The following DGKQ variants were observed in gnomAD, a reference collection of about 807,000 sequenced individuals.
DGKQ encodes diacylglycerol kinase theta.
In DGKQ, 97 loss-of-function variants were observed where a neutral mutation model predicts 104.2. That is an observed-to-expected ratio of 0.93 (90% CI 0.79 to 1.10). DGKQ has a LOEUF of 1.10. Ranked by LOEUF, DGKQ falls within the 50% of genes least tolerant of loss-of-function variation. The pLI is 0.00. For missense variants in DGKQ, 1,465 were observed against 1,352.1 expected (o/e 1.08, Z -1.31); for synonymous variants, 736 against 595.2 (o/e 1.24, Z -3.44).
rs745794991 is a variant in DGKQ, at chr4:968,893, G to A, written c.369C>T (p.Cys123=). The stretch of plus-strand genomic sequence containing the variant: ...GCTTGTGGAGCCCCCGGGGGCCGAA[G>A]CAGTGGGCTACAGGAACCTGGTGGG... ...PSLVRVPVAH[C]FGPRGLHKRK... The change falls in exon 3 of 23, where the codon TGC becomes TGT. Residue 123 remains cysteine, a synonymous_variant. Coordinates refer to ENST00000273814, the MANE Select transcript of DGKQ (RefSeq NM_001347.4). The A allele has an allele frequency of 6.3e-7, 1 of 1,597,390 alleles. No homozygotes were observed. The highest frequency in any genetic ancestry group is 1.1e-5 in the South Asian group (1 of 89,798).
rs537931333 is a variant in DGKQ at position 961,570 on chromosome 4, G to A, written c.2471C>T (p.Ser824Leu). Residue 824 changes from serine (S) to leucine (L), a missense_variant, in exon 21 of 23, where the codon TCG becomes TTG. Ser to Leu is a moderately radical substitution (Grantham distance 145). Coordinates refer to ENST00000273814, the MANE Select transcript of DGKQ (RefSeq NM_001347.4). The part of the protein sequence containing the change: ...LIFINIPSWG[S>L]GADLWGSDSD... ...GTCGGAGCCCCACAGGTCGGCCCCC[G>A]AGCCCCAGCTGCCGCATAAGAGAGC... The A allele has an allele frequency of 1.8e-5, 29 of 1,609,028 alleles. No homozygotes were observed. The South Asian group carries it at 2.4e-4, about 13-fold the overall frequency.
At chr4:964,504 C>T (rs1712142641) in intron 15 of DGKQ, among the ~76,000 whole-genome samples, 1 of 149,408 alleles carries the variant, frequency 6.7e-6, no homozygotes, top group Non-Finnish European at 1.5e-5. Flanking sequence ...CCCCCCGGCC[C>T]TGCCCTGTCT....
chr4:967,597 C>T lies in DGKQ; in HGVS notation c.939G>A (p.Gln313=), dbSNP rs902333438. 6.2e-7 allele frequency: 1 copy of T among 1,612,608 alleles called. No homozygotes were observed. Among genetic ancestry groups the T allele is most frequent in the African/African-American group, 1.3e-5 (1 of 74,924 alleles). ...FDGDDAVRRS[Q]FRLVTVSRLA... The stretch of plus-strand genomic sequence containing the variant: ...GGCGGGACACCGTGACGAGGCGGAA[C>T]TGGCTTCTTCTCACCGCGTCGTCGC... Residue 313 remains glutamine, a synonymous_variant, in exon 8 of 23, where the codon CAG becomes CAA. Transcript: ENST00000273814.
rs576448922 is a variant in DGKQ, at chr4:963,062, C to T, written c.1886+77G>A. On this transcript the variant is annotated intron_variant, in intron 16 of 22. Transcript: ENST00000273814. ...GGATCCCCGTGGAGCTCCTGCCGGC[C>T]GAGACAGCTGTGGCAGCCTCCTGGG... 58 of 1,504,386 alleles carry T rather than the reference C, an allele frequency of 3.9e-5. 1 individual carries two copies. In the African/African-American group the frequency reaches 5.8e-4, roughly 15 times the overall value. 93.2% of individuals were successfully genotyped at this position (1,504,386 alleles called of 1,614,324 possible).
intron 2 of DGKQ, 73 bp from the exon 3 acceptor site, chr4:968,983 C>A (rs1712709144): frequency 2.1e-6 from 2 of 975,414 alleles, no homozygotes; most frequent in Non-Finnish European, 3.0e-6. Flanking sequence ...TCGCTCTTCA[C>A]CTGCGCAACT....
intron 15 of DGKQ, 134 bp downstream of exon 15, chr4:965,042 C>A (rs1399678159): frequency 2.9e-6 from 2 of 682,918 alleles, no homozygotes; most frequent in East Asian, 5.5e-5. Context: ...ACCTACAAGC[C>A]CCCAGTGAAT....
intron 5 of DGKQ, 81 bp from the exon 6 acceptor site, chr4:968,108 C>A (rs1246828792): frequency 9.4e-7 from 1 of 1,064,716 alleles, no homozygotes; most frequent in Non-Finnish European, 1.3e-6. Context: ...GGAAAGACCC[C>A]ACACGACGCA....
intron 18 of DGKQ, 104 bp from the exon 19 acceptor site, chr4:962,186 C>T (rs572299283): frequency 6.0e-5 from 66 of 1,104,566 alleles, no homozygotes; most frequent in South Asian, 4.9e-4. Context: ...AAGGACCACC[C>T]TGGCACCAAG....
At position 962,001 on chromosome 4, in the gene DGKQ, G is replaced by C. The variant is rs1406966294; in HGVS notation, c.2296C>G (p.Pro766Ala). ...CGGTACCTGCTTGTGAACTTGCCAG[G>C]CTCCTCTTCCCGTGCCTGGTGGAAG... Reference protein sequence around the residue: ...LDFHQAREEEPGKFTSRLHNK... With the variant: ...LDFHQAREEEAGKFTSRLHNK... The change falls in exon 19 of 23, where the codon CCT (proline) becomes GCT (alanine). Residue 766 changes from proline to alanine, a missense_variant. Coordinates refer to ENST00000273814, the MANE Select transcript of DGKQ (RefSeq NM_001347.4). The C allele has an allele frequency of 6.2e-7, 1 of 1,613,134 alleles. No homozygotes were observed. Among genetic ancestry groups the C allele is most frequent in the South Asian group, 1.1e-5 (1 of 91,088 alleles).
In DGKQ at chr4:971,017, C is replaced by G; in HGVS notation, c.327G>C (p.Thr109=). The part of the protein sequence containing the change: ...KCLKHVRIPC[T]SVAPSLVRVP... ...CCCGGACCAGGCTGGGTGCCACACT[C>G]GTGCACGGGATCCTCACGTGCTTCA... The change falls in exon 2 of 23, where the codon ACG becomes ACC. Residue 109 remains threonine (T), a synonymous_variant. Coordinates refer to ENST00000273814, the MANE Select transcript of DGKQ (RefSeq NM_001347.4). The surrounding 1 kb of genome is among the most constrained non-coding windows in gnomAD (Gnocchi z 4.0). The G allele has an allele frequency of 6.4e-7, 1 of 1,554,024 alleles. No individual in the cohort carries two copies. Among genetic ancestry groups the G allele is most frequent in the Non-Finnish European group, 8.7e-7 (1 of 1,148,672 alleles).
chr4:968,841 C>G lies in DGKQ; in HGVS notation c.421G>C (p.Val141Leu). 6.2e-7 allele frequency: 1 copy of G among 1,611,140 alleles called. No individual in the cohort carries two copies. Residue 141 changes from valine to leucine, a missense_variant, in exon 3 of 23, where the codon GTC becomes CTC. By Grantham distance (32) the Val-to-Leu change is conservative. Coordinates refer to ENST00000273814, the MANE Select transcript of DGKQ (RefSeq NM_001347.4). ...KRKFCAVCRK[V>L]LEAPALHCEV... ...CAGTGGAGCGCCGGTGCCTCCAGGA[C>G]CTTGCGGCAGACAGCACAGAACTTG...
In DGKQ at chr4:973,529, C is replaced by G; in HGVS notation, c.-47G>C. The G allele has an allele frequency of 2.0e-6, 2 of 986,134 alleles. No homozygotes were observed. The highest frequency in any genetic ancestry group is 4.7e-5 in the South Asian group (1 of 21,254). The allele number at this position is 986,134 out of a possible 1,614,324, so 61.1% of individuals were successfully genotyped here. A position where few individuals can be genotyped will look rare whatever the true frequency, so the allele number is the denominator to read the frequency against. ...CCCCTTTAGGTCCGCGCCGGGGGTA[C>G]AGGAGCCGCCGCTCCACGGCCCGGT... On this transcript the variant is annotated 5_prime_UTR_variant, in exon 1 of 23. Transcript: ENST00000273814.
At chr4:972,802 G>A (rs1713038479) in intron 1 of DGKQ, among the ~76,000 whole-genome samples, 1 of 152,056 alleles carries the variant, frequency 6.6e-6, no homozygotes, top group Admixed American at 6.5e-5. Flanking sequence ...GCAGGGCCCG[G>A]CCTGGCTCTC....
rs1429329042 is a variant in DGKQ, at chr4:967,999, G to GCT, written c.691_692insAG (p.Ala231GlufsTer71). The GCT allele has an allele frequency of 1.4e-6, 2 of 1,459,694 alleles. No homozygotes were observed. Among genetic ancestry groups the GCT allele is most frequent in the Non-Finnish European group, 1.8e-6 (2 of 1,115,088 alleles). 90.4% of individuals were successfully genotyped at this position (1,459,694 alleles called of 1,614,324 possible). A position where few individuals can be genotyped will look rare whatever the true frequency, so the allele number is the denominator to read the frequency against. ...CAGACGCCCGAAGCCACACTCGGGA[G>GCT]CCAGCGCCGCGGAGCAGAGGGAGTG... On this transcript the variant is annotated frameshift_variant, in exon 6 of 23. Coordinates refer to ENST00000273814, the MANE Select transcript of DGKQ (RefSeq NM_001347.4). LOFTEE classifies it high-confidence loss of function.
Position 966,800 on chromosome 4 carries a change from G to A in DGKQ, c.1314C>T (p.Ala438=), listed in dbSNP as rs773505282. The part of the protein sequence containing the change: ...LEVLPLLGRQ[A]ESPESFQLVE... Reference sequence around the variant, plus strand: ...CCAGCTGGAAGCTCTCGGGACTCTCGGCCTGTTGGGGTAGAGCTTGGCATC... The same window carrying A: ...CCAGCTGGAAGCTCTCGGGACTCTCAGCCTGTTGGGGTAGAGCTTGGCATC... The change falls in exon 11 of 23, where the codon GCC becomes GCT. Residue 438 remains alanine, a splice_region_variant and synonymous_variant. Transcript: ENST00000273814. 2.1e-5 allele frequency: 33 copies of A among 1,608,926 alleles called. No individual in the cohort carries two copies. The highest frequency in any genetic ancestry group is 4.0e-5 in the African/African-American group (3 of 74,848).
chr4:962,654 C>G, intron 17 of DGKQ, 41 bp from the exon 18 acceptor site: 1 of 1,595,348 alleles, frequency 6.3e-7, no homozygotes, highest in Non-Finnish European at 8.5e-7. Flanking sequence ...CCACACCCAC[C>G]CGCCCATCAG....
intron 12 of DGKQ, 100 bp from the exon 13 acceptor site, chr4:966,178 G>C: frequency 8.0e-7 from 1 of 1,250,090 alleles, no homozygotes; most frequent in Non-Finnish European, 1.1e-6. Flanking sequence ...AGGGCATCAG[G>C]AACACTCCCA....
intron 10 of DGKQ, 26 bp from the exon 11 acceptor site, chr4:966,828 G>A: frequency 1.9e-6 from 3 of 1,601,070 alleles, no homozygotes; most frequent in Non-Finnish European, 2.6e-6. Flanking sequence ...TTGGCATCGG[G>A]TCTGGGCAGG....
chr4:961,619 C>T (rs1325686807), intron 20 of DGKQ, 41 bp from the exon 21 acceptor site: 1 of 1,610,106 alleles, frequency 6.2e-7, no homozygotes, highest in Non-Finnish European at 8.5e-7. Context: ...TAGGTGCAGG[C>T]AGGACGAGGG....
Sources: gnomAD v4.1 joint callset for allele counts (sites outside exome capture counted in the v4.1 genomes callset) on GRCh38, gnomAD v4.1.1 for gene constraint, Gnocchi (gnomAD v3.1) non-coding constraint, MANE v1.5 for transcripts, NCBI Gene and HGNC (gene_info 2026-07-23, HGNC 2026-07-21) for gene names.